The following SCARA5 variants were observed in gnomAD, a reference collection of about 807,000 sequenced individuals.
SCARA5 encodes the protein scavenger receptor class A, member 5 (putative).
Under a neutral mutation model 46.3 loss-of-function variants are expected in SCARA5, and 45 were observed. The ratio of observed to expected loss-of-function variants is 0.97; its 90% CI spans 0.76 to 1.24. SCARA5 has a LOEUF of 1.24. SCARA5 is among the 50% of genes most tolerant of loss of function. SCARA5 has a pLI of 0.00. For synonymous variants in SCARA5, 333 were observed against 306.5 expected (o/e 1.09, Z -0.90); for missense variants, 680 against 689.0 (o/e 0.99, Z 0.15).
intron 7 of SCARA5, among the ~76,000 whole-genome samples, chr8:27,882,254 C>A (rs1806823693): frequency 6.6e-6 from 1 of 152,146 alleles, no homozygotes. Context: ...AATGGTATTC[C>A]ATTTTCTATG....
chr8:27,894,619 G>A (rs188336030), intron 7 of SCARA5, among the ~76,000 whole-genome samples: 7 of 152,302 alleles, frequency 4.6e-5, no homozygotes, highest in Non-Finnish European at 7.3e-5. Context: ...ATCAAGCCCC[G>A]GCTACACAAC....
intron 1 of SCARA5, among the ~76,000 whole-genome samples, chr8:27,988,595 T>C (rs556811265): frequency 6.6e-6 from 1 of 152,364 alleles, no homozygotes; most frequent in East Asian, 1.9e-4. Context: ...TCAGATTTTC[T>C]GGGTTTTCTA....
chr8:27,931,812 G>A (rs1336916026), intron 3 of SCARA5, among the ~76,000 whole-genome samples: 3 of 151,630 alleles, frequency 2.0e-5, no homozygotes, highest in East Asian at 1.9e-4. Flanking sequence ...ACGCCACCAC[G>A]CCTGGCTAAT....
chr8:27,895,188 T>C (rs1468564855), intron 7 of SCARA5, among the ~76,000 whole-genome samples: 2 of 152,144 alleles, frequency 1.3e-5, no homozygotes, highest in African/African-American at 4.8e-5. Context: ...TAGGCTCTGA[T>C]TTTCTGCAGC....
chr8:27,986,355 C>T (rs1399667529), intron 2 of SCARA5, among the ~76,000 whole-genome samples: 2 of 152,340 alleles, frequency 1.3e-5, no homozygotes, highest in East Asian at 1.9e-4. Context: ...CACATTTTGG[C>T]CTACTGTATA....
chr8:27,923,967 G>T (rs1563528010), intron 3 of SCARA5, among the ~76,000 whole-genome samples: 1 of 152,142 alleles, frequency 6.6e-6, no homozygotes, highest in African/African-American at 2.4e-5. Context: ...CCTTTTCTTG[G>T]TTATAAGCAG....
chr8:27,931,556 C>T (rs971001367), intron 3 of SCARA5, among the ~76,000 whole-genome samples: 2 of 152,178 alleles, frequency 1.3e-5, no homozygotes, highest in African/African-American at 4.8e-5. Flanking sequence ...GACTCTGACT[C>T]ATGAGTGTCC....
chr8:27,983,552 G>A (rs1283636691), intron 2 of SCARA5, among the ~76,000 whole-genome samples: 1 of 152,202 alleles, frequency 6.6e-6, no homozygotes, highest in Admixed American at 6.5e-5. Context: ...TCCGGTTCCA[G>A]CTCCACCACT....
chr8:27,896,362 C>T (rs1306841745), intron 7 of SCARA5, among the ~76,000 whole-genome samples: 2 of 152,162 alleles, frequency 1.3e-5, no homozygotes, highest in Non-Finnish European at 2.9e-5. Flanking sequence ...TCCTCCTCCT[C>T]TATGTTCTAG....
intron 2 of SCARA5, among the ~76,000 whole-genome samples, chr8:27,968,901 T>G (rs1808408487): frequency 6.6e-6 from 1 of 152,226 alleles, no homozygotes; most frequent in Admixed American, 6.5e-5. Flanking sequence ...AAGCACCTAC[T>G]TGTGACAGGT....
At chr8:27,887,481 C>T (rs976722344) in intron 7 of SCARA5, among the ~76,000 whole-genome samples, 6 of 152,140 alleles carry the variant, frequency 3.9e-5, no homozygotes, top group Non-Finnish European at 7.3e-5. Context: ...GCAGGAATGG[C>T]ACCGGCACAT....
At chr8:27,896,174 G>A (rs1807061134) in intron 7 of SCARA5, among the ~76,000 whole-genome samples, 1 of 152,198 alleles carries the variant, frequency 6.6e-6, no homozygotes. Context: ...GGAGAAGACA[G>A]TGATGCTATG....
intron 7 of SCARA5, among the ~76,000 whole-genome samples, chr8:27,897,274 C>T (rs541071435): frequency 6.6e-6 from 1 of 152,216 alleles, no homozygotes; most frequent in South Asian, 2.1e-4. Context: ...CTCCCGGGGA[C>T]CTCCCGGACT....
At chr8:27,971,810 C>T (rs891903086) in intron 2 of SCARA5, among the ~76,000 whole-genome samples, 4 of 150,376 alleles carry the variant, frequency 2.7e-5, no homozygotes, top group African/African-American at 9.8e-5. Flanking sequence ...GAGCACGTGG[C>T]TGCTTGATGA....
intron 3 of SCARA5, among the ~76,000 whole-genome samples, chr8:27,924,517 C>T (rs539319593): frequency 2.6e-5 from 4 of 152,274 alleles, no homozygotes; most frequent in East Asian, 1.9e-4. Context: ...AGCCTTGCCT[C>T]GACTTCTCCC....
rs761347577 is a variant in SCARA5 at position 27,904,785 on chromosome 8, C to T, written c.1146G>A (p.Gly382=). The change falls in exon 7 of 9, where the codon GGG becomes GGA. Residue 382 remains glycine, a synonymous_variant. Transcript: ENST00000354914. ...CCAGCAGAATGTCCTTACTGGCATC[C>T]CCAGCTCTGTCTCCTTTCTCTCCTT... ...GEKGEKGDRA[G]DASGVEAPMM... is the part of the protein sequence containing the mutation. The T allele has an allele frequency of 6.2e-7, 1 of 1,613,990 alleles. No homozygotes were observed. The highest frequency in any genetic ancestry group is 1.1e-5 in the South Asian group (1 of 91,052).
At chr8:27,928,361 A>G (rs1028816825) in intron 3 of SCARA5, among the ~76,000 whole-genome samples, 2 of 152,228 alleles carry the variant, frequency 1.3e-5, no homozygotes, top group Non-Finnish European at 2.9e-5. Context: ...ACAGTGTAAT[A>G]CCAAGTGGCT....
intron 4 of SCARA5, among the ~76,000 whole-genome samples, chr8:27,914,889 G>A (rs745771578): frequency 6.6e-6 from 1 of 152,158 alleles, no homozygotes; most frequent in Non-Finnish European, 1.5e-5. Context: ...GTTTTCCTGG[G>A]GATCAGCCAA....
At chr8:27,978,716 G>A (rs1808564762) in intron 2 of SCARA5, among the ~76,000 whole-genome samples, 1 of 152,030 alleles carries the variant, frequency 6.6e-6, no homozygotes, top group Non-Finnish European at 1.5e-5. Flanking sequence ...TCTCTGTGTT[G>A]CTCAGGCTGG....
Sources: allele counts gnomAD v4.1 joint callset (sites outside exome capture counted in the v4.1 genomes callset), GRCh38; gene constraint gnomAD v4.1.1; transcripts MANE v1.5; gene names NCBI Gene and HGNC (gene_info 2026-07-23, HGNC 2026-07-21).